The following NIPAL3 variants were observed in gnomAD, a reference collection of about 807,000 sequenced individuals.
NIPAL3 encodes the protein NIPA like domain containing 3, also known as NIPA-like protein 3.
In NIPAL3, 41 loss-of-function variants were observed where a neutral mutation model predicts 47.2. The observed-to-expected ratio is 0.87, with a 90% confidence interval of 0.68 to 1.13. The LOEUF is 1.13. Ranked by LOEUF, NIPAL3 falls within the 50% of genes most tolerant of loss-of-function variation. NIPAL3 has a pLI of 0.00. For synonymous variants in NIPAL3, 194 were observed against 209.6 expected (o/e 0.93, Z 0.64); for missense variants, 449 against 530.1 (o/e 0.85, Z 1.50).
At chr1:24,420,187 G>C (rs1644260077) in intron 2 of NIPAL3, 1 of 151,940 alleles carries the variant, frequency 6.6e-6, no homozygotes, top group African/African-American at 2.4e-5. Context: ...TTCCCACTTA[G>C]AAGATTTGAT....
At position 24,437,208 on chromosome 1, in the gene NIPAL3, C is replaced by T. The variant is rs528318420; in HGVS notation, c.94-2964C>T. The stretch of plus-strand genomic sequence containing the variant: ...TGGAGTTTGCAGTGAGCCGAGATTG[C>T]GCCACTGCACTCCAGCCTGGGCGAC... On this transcript the variant is annotated intron_variant, in intron 2 of 11. Transcript: ENST00000374399. Among the ~76,000 whole-genome samples, 6 of 152,144 alleles carry T rather than the reference C, an allele frequency of 3.9e-5. No individual in the cohort carries two copies. The East Asian group carries it at 5.8e-4, about 15-fold the overall frequency.
At chr1:24,426,439 C>T (rs917640352) in intron 2 of NIPAL3, among the ~76,000 whole-genome samples, 2 of 152,054 alleles carry the variant, frequency 1.3e-5, no homozygotes, top group South Asian at 2.1e-4. Flanking sequence ...GGATTACAGG[C>T]GTGTGCCACC....
chr1:24,441,796 A>G (rs1334671900), intron 3 of NIPAL3, among the ~76,000 whole-genome samples: 2 of 152,058 alleles, frequency 1.3e-5, no homozygotes, highest in African/African-American at 2.4e-5. Context: ...CTGACTCAGG[A>G]TGAGGCCCAG....
At chr1:24,415,609 T>C (rs1643980020), upstream of NIPAL3, 1 of 153,196 alleles carries the variant, frequency 6.5e-6, no homozygotes, top group Non-Finnish European at 1.5e-5. Context: ...CGCCAAGCTC[T>C]AGCCCCAGGT....
intron 2 of NIPAL3, 194 bp downstream of exon 2, chr1:24,419,834 A>G: frequency 1.9e-6 from 1 of 520,860 alleles, no homozygotes; most frequent in Middle Eastern, 3.1e-4. Flanking sequence ...TCACACCTGT[A>G]ATCCCAGCAC....
chr1:24,446,135 A>G (rs1280133722), intron 5 of NIPAL3, among the ~76,000 whole-genome samples: 1 of 151,628 alleles, frequency 6.6e-6, no homozygotes, highest in Non-Finnish European at 1.5e-5. Context: ...ACAATAAACA[A>G]GCAACTAAAT....
chr1:24,415,990 C>G (rs1025799911), intron 1 of NIPAL3, 86 bp downstream of exon 1: 40 of 985,218 alleles, frequency 4.1e-5, no homozygotes, highest in Middle Eastern at 5.2e-4. Context: ...CTAACGTCCC[C>G]TAGTGTACAT....
At chr1:24,436,867 A>C (rs560764805) in intron 2 of NIPAL3, among the ~76,000 whole-genome samples, 6 of 152,188 alleles carry the variant, frequency 3.9e-5, no homozygotes, top group African/African-American at 9.6e-5. Flanking sequence ...GGAAAAGTAC[A>C]TCTACTCCAT....
chr1:24,427,476 T>C (rs935286175), intron 2 of NIPAL3, among the ~76,000 whole-genome samples: 2 of 152,242 alleles, frequency 1.3e-5, no homozygotes, highest in African/African-American at 2.4e-5. Flanking sequence ...GGTTATTACA[T>C]GTGGACATTC....
chr1:24,464,113 C>T lies in NIPAL3; in HGVS notation c.1014C>T (p.Ala338=). 3 of 1,612,798 alleles carry T rather than the reference C, an allele frequency of 1.9e-6. No homozygotes were observed. Among genetic ancestry groups the T allele is most frequent in the Non-Finnish European group, 2.5e-6 (3 of 1,179,082 alleles). Residue 338 remains alanine (A), a synonymous_variant, in exon 11 of 12, where the codon GCC becomes GCT. Transcript: ENST00000374399. ...TTGAGCCCTATATTTCCATGGATGC[C>T]ATGCCAGGTAAGGTTAAAGCCCCGT... is the stretch of plus-strand genomic sequence containing the variant. ...IPFEPYISMD[A]MPGMQNMHDK...
Position 24,419,346 on chromosome 1 carries a change from A to C in NIPAL3, c.-202A>C. On this transcript the variant is annotated 5_prime_UTR_variant, in exon 2 of 12. Transcript: ENST00000374399. ...CTCTGTCTGCCTGGGAGAGCCACGG[A>C]AATTGGCACTTCTCTGAGTGAAGCT... 1 of 1,279,920 alleles carries C rather than the reference A, an allele frequency of 7.8e-7. No individual in the cohort carries two copies. The allele number at this position is 1,279,920 out of a possible 1,614,324, so 79.3% of individuals were successfully genotyped here.
At position 24,449,332 on chromosome 1, in the gene NIPAL3, A is replaced by G; in HGVS notation, c.395-149A>G. On this transcript the variant is annotated intron_variant, in intron 5 of 11. Transcript: ENST00000374399. The surrounding 1 kb of genome is among the most constrained non-coding windows in gnomAD (Gnocchi z 4.5). ...TTAACAAAATTAAGGAAAATCATTT[A>G]TTTTTTAAAGTAAAGAAAAACCAAA... The G allele has an allele frequency of 2.9e-6, 2 of 686,748 alleles. No homozygotes were observed. Among genetic ancestry groups the G allele is most frequent in the South Asian group, 4.6e-5 (1 of 21,864 alleles). The allele number at this position is 686,748 out of a possible 1,614,324, so 42.5% of individuals were successfully genotyped here.
At chr1:24,432,417 G>A (rs889581229) in intron 2 of NIPAL3, among the ~76,000 whole-genome samples, 4 of 152,188 alleles carry the variant, frequency 2.6e-5, no homozygotes, top group South Asian at 2.1e-4. Flanking sequence ...GTGAGCCATC[G>A]CGCCCGGCCA....
intron 6 of NIPAL3, among the ~76,000 whole-genome samples, chr1:24,450,706 G>A (rs1396673979): frequency 3.3e-5 from 5 of 152,162 alleles, no homozygotes; most frequent in Non-Finnish European, 7.3e-5. Flanking sequence ...ATAAAAGCAG[G>A]GTTGGATTTG....
chr1:24,462,723 C>T (rs1421084379), intron 10 of NIPAL3, among the ~76,000 whole-genome samples: 2 of 151,914 alleles, frequency 1.3e-5, no homozygotes, highest in Admixed American at 6.6e-5. Flanking sequence ...GCCAAGATCA[C>T]AGCACTGCAC....
At position 24,472,752 on chromosome 1, in the gene NIPAL3, A is replaced by G. The variant is rs931358400; in HGVS notation, c.*3567A>G. 6.6e-6 allele frequency: 1 copy of G among 152,198 alleles called. No homozygotes were observed. Among genetic ancestry groups the G allele is most frequent in the African/African-American group, 2.4e-5 (1 of 41,446 alleles). 9.4% of individuals were successfully genotyped at this position (152,198 alleles called of 1,614,324 possible). A position where few individuals can be genotyped will look rare whatever the true frequency, so the allele number is the denominator to read the frequency against. On this transcript the variant is annotated 3_prime_UTR_variant, in exon 12 of 12. Coordinates refer to ENST00000374399, the MANE Select transcript of NIPAL3 (RefSeq NM_020448.5). ...TGGGGAACCAGCCCGGCAGCCTTCC[A>G]TGTGAATTCCAAAGCTGTTTCAACA...
At chr1:24,436,906 A>G (rs1645140436) in intron 2 of NIPAL3, among the ~76,000 whole-genome samples, 1 of 152,008 alleles carries the variant, frequency 6.6e-6, no homozygotes, top group South Asian at 2.1e-4. Flanking sequence ...TCTATAATTG[A>G]CTTTTTAAAT....
In NIPAL3 at chr1:24,466,041, G is replaced by T. The variant is rs1646684710; in HGVS notation, c.1021+1921G>T. ...ACAACAGACAACTGCTGTTCAAGAG[G>T]TATTCAAATTCCAGAAATTTACCAC... On this transcript the variant is annotated intron_variant, in intron 11 of 11. Coordinates refer to ENST00000374399, the MANE Select transcript of NIPAL3 (RefSeq NM_020448.5). 1.9e-6 allele frequency: 3 copies of T among 1,612,120 alleles called. No homozygotes were observed. The African/African-American group carries it at 4.0e-5, about 22-fold the overall frequency.
chr1:24,440,441 C>T (rs1645325751), intron 3 of NIPAL3, among the ~76,000 whole-genome samples: 1 of 152,170 alleles, frequency 6.6e-6, no homozygotes, highest in African/African-American at 2.4e-5. Context: ...GCCCTCCTAG[C>T]CAGGTCCTCA....
Sources: gnomAD v4.1 joint callset for allele counts (sites outside exome capture counted in the v4.1 genomes callset) on GRCh38, gnomAD v4.1.1 for gene constraint, Gnocchi (gnomAD v3.1) non-coding constraint, MANE v1.5 for transcripts, NCBI Gene and HGNC (gene_info 2026-07-23, HGNC 2026-07-21) for gene names.